The following APBA2 variants were observed in gnomAD, a reference collection of about 807,000 sequenced individuals.
APBA2 encodes the protein amyloid beta precursor protein binding family A member 2.
A neutral mutation model predicts 75.0 loss-of-function variants in APBA2; 30 were observed. The observed-to-expected ratio is 0.40, with a 90% CI of 0.30 to 0.54. The LOEUF (loss-of-function observed/expected upper bound fraction) is 0.54. Ranked by LOEUF, APBA2 falls within the 20% of genes least tolerant of loss-of-function variation. The pLI is 0.49. For missense variants in APBA2, 801 were observed against 1,016.1 expected, an observed-to-expected ratio of 0.79 and a Z score of 2.88; for synonymous variants, 444 against 409.6, an observed-to-expected ratio of 1.08 and a Z score of -1.01.
intron 2 of APBA2, among the ~76,000 whole-genome samples, chr15:28,980,903 C>T (rs1321908498): frequency 6.6e-6 from 1 of 152,148 alleles, no homozygotes; most frequent in Non-Finnish European, 1.5e-5. Context: ...AACCATCTGC[C>T]CTTTGACAAA....
In APBA2 at chr15:29,001,598, A is replaced by G. The variant is rs71469195; in HGVS notation, c.-41+5792A>G. 3.9e-5 allele frequency among the ~76,000 whole-genome samples: 6 copies of G among 152,170 alleles called. 1 individual carries two copies. Among genetic ancestry groups the G allele is most frequent in the Admixed American group, 1.3e-4 (2 of 15,274 alleles). On this transcript the variant is annotated intron_variant, in intron 3 of 14. Coordinates refer to ENST00000683413, the MANE Select transcript of APBA2 (RefSeq NM_001353788.2). ...GGTAGATTGTGAGAATGAACCACAT[A>G]ATGAAGAGGGGATGTGTAGCACATG...
At chr15:29,017,397 C>CTT (rs56993296) in intron 3 of APBA2, among the ~76,000 whole-genome samples, 162 of 101,966 alleles carry the variant, frequency 1.6e-3, no homozygotes, top group Non-Finnish European at 1.9e-3. Flanking sequence ...TTCTTTCTTT[C>CTT]TTTTTTTTTT....
chr15:28,971,727 A>T (rs942119286), intron 2 of APBA2, among the ~76,000 whole-genome samples: 21 of 152,188 alleles, frequency 1.4e-4, no homozygotes, highest in Admixed American at 1.3e-3. Context: ...CTCCTTAATT[A>T]AAAAAACTGT....
At chr15:29,048,809 C>T (rs915348147) in intron 3 of APBA2, among the ~76,000 whole-genome samples, 6 of 151,292 alleles carry the variant, frequency 4.0e-5, no homozygotes, top group African/African-American at 1.2e-4. Context: ...CGTGGTGGTG[C>T]GCACCTACCT....
At chr15:29,060,640 A>C (rs902256256) in intron 4 of APBA2, among the ~76,000 whole-genome samples, 10 of 152,176 alleles carry the variant, frequency 6.6e-5, no homozygotes, top group African/African-American at 2.2e-4. Flanking sequence ...TAGATACGGA[A>C]GCCTCCGGTC....
chr15:29,070,996 C>A, intron 4 of APBA2: 1 of 447,880 alleles, frequency 2.2e-6, no homozygotes, highest in South Asian at 1.6e-5. Context: ...GCTAGCCTGG[C>A]TTTCCACTGA....
At chr15:29,076,492 A>G (rs1449356838) in intron 6 of APBA2, among the ~76,000 whole-genome samples, 2 of 144,032 alleles carry the variant, frequency 1.4e-5, no homozygotes, top group Admixed American at 7.1e-5. Flanking sequence ...TTACCGTTCC[A>G]CCCTTTTTGA....
intron 2 of APBA2, among the ~76,000 whole-genome samples, chr15:28,935,832 A>G (rs1431715207): frequency 6.6e-6 from 1 of 152,216 alleles, no homozygotes; most frequent in African/African-American, 2.4e-5. Flanking sequence ...CTGTTTCGCT[A>G]AGTTTTAGAC....
chr15:29,022,910 T>C (rs2040023904), intron 3 of APBA2, among the ~76,000 whole-genome samples: 1 of 152,212 alleles, frequency 6.6e-6, no homozygotes, highest in African/African-American at 2.4e-5. Flanking sequence ...TTGTACACTT[T>C]TGTTATGTTC....
Position 29,053,930 on chromosome 15 carries a change from C to T in APBA2, c.46C>T (p.His16Tyr), listed in dbSNP as rs2041735434. Residue 16 changes from histidine (H) to tyrosine (Y), a missense_variant, in exon 4 of 15, where the codon CAT (histidine) becomes TAT (tyrosine). His to Tyr is a moderately conservative substitution (Grantham distance 83). This residue lies in a region of APBA2 where 434 missense variants were observed against 471.6 expected (regional missense o/e 0.92). Transcript: ENST00000683413. ...LESVGSGMLD[H>Y]RVRPGPVPHS... ...GAGCGTGGGGAGCGGCATGTTGGAC[C>T]ATAGGGTGAGACCAGGTCCTGTCCC... The T allele has an allele frequency of 6.2e-7, 1 of 1,613,716 alleles. No homozygotes were observed. The highest frequency in any genetic ancestry group is 1.7e-5 in the Admixed American group (1 of 59,978).
chr15:29,034,373 G>A (rs1330882434), intron 3 of APBA2, among the ~76,000 whole-genome samples: 1 of 152,122 alleles, frequency 6.6e-6, no homozygotes, highest in Non-Finnish European at 1.5e-5. Context: ...AACGCACCAC[G>A]AATAACAAGG....
At chr15:28,940,467 C>A in intron 2 of APBA2, among the ~76,000 whole-genome samples, 1 of 117,048 alleles carries the variant, frequency 8.5e-6, no homozygotes, top group South Asian at 3.2e-4. Context: ...GGCGTGAACC[C>A]GGGTGAACCC....
intron 14 of APBA2, among the ~76,000 whole-genome samples, chr15:29,115,799 C>T (rs2045069607): frequency 6.6e-6 from 1 of 152,152 alleles, no homozygotes; most frequent in African/African-American, 2.4e-5. Context: ...ACACAGATCC[C>T]GGCGGGGGAG....
At chr15:28,971,878 T>A (rs954518928) in intron 2 of APBA2, among the ~76,000 whole-genome samples, 6 of 152,116 alleles carry the variant, frequency 3.9e-5, no homozygotes, top group African/African-American at 1.4e-4. Context: ...ACACCTAGCG[T>A]CCATACAATA....
intron 4 of APBA2, among the ~76,000 whole-genome samples, chr15:29,073,632 G>A (rs924177168): frequency 7.9e-5 from 12 of 152,206 alleles, no homozygotes; most frequent in Admixed American, 2.0e-4. Flanking sequence ...GATTACAGGC[G>A]TGAGCCACTG....
At chr15:29,111,924 A>G (rs1481200285) in intron 13 of APBA2, among the ~76,000 whole-genome samples, 2 of 152,102 alleles carry the variant, frequency 1.3e-5, no homozygotes, top group African/African-American at 4.8e-5. Flanking sequence ...CGTCCCTCAC[A>G]GCGTGCTCAG....
At chr15:28,927,136 A>T (rs1040253944) in intron 2 of APBA2, among the ~76,000 whole-genome samples, 24 of 151,522 alleles carry the variant, frequency 1.6e-4, no homozygotes, top group African/African-American at 5.8e-4. Context: ...GGGATTACAG[A>T]CGTGAGCCAC....
intron 1 of APBA2, among the ~76,000 whole-genome samples, chr15:28,903,257 A>G (rs539465834): frequency 6.6e-6 from 1 of 152,308 alleles, no homozygotes; most frequent in South Asian, 2.1e-4. Context: ...GACAGAGGCC[A>G]TGTTTTTTTG....
At chr15:28,920,483 A>G (rs2152668700) in intron 1 of APBA2, among the ~76,000 whole-genome samples, 1 of 152,308 alleles carries the variant, frequency 6.6e-6, no homozygotes, top group African/African-American at 2.4e-5. Context: ...TGTGCCTTTC[A>G]TGCCCACACC....
Sources: gnomAD v4.1 joint callset for allele counts (sites outside exome capture counted in the v4.1 genomes callset) on GRCh38, gnomAD v4.1.1 for gene constraint, gnomAD v4.1.1 regional missense constraint, MANE v1.5 for transcripts, NCBI Gene and HGNC (gene_info 2026-07-23, HGNC 2026-07-21) for gene names.